The following RYR2 variants were observed in gnomAD, a reference collection of about 807,000 sequenced individuals.
The protein encoded by RYR2 is cardiac muscle ryanodine receptor-calcium release channel.
A neutral mutation model predicts 601.1 loss-of-function variants in RYR2; 227 were observed. That is an observed-to-expected ratio of 0.38 (90% CI 0.34 to 0.42). RYR2 has a LOEUF of 0.42. Ranked by LOEUF, RYR2 falls within the 10% of genes least tolerant of loss-of-function variation. The pLI is 1.00. For missense variants in RYR2, 4,646 were observed against 6,156.5 expected, an observed-to-expected ratio of 0.75 and a Z score of 8.21; for synonymous variants, 2,223 against 2,175.1, an observed-to-expected ratio of 1.02 and a Z score of -0.61.
intron 24 of RYR2, among the ~76,000 whole-genome samples, chr1:237,519,210 T>C (rs1339974540): frequency 1.3e-5 from 2 of 152,222 alleles, no homozygotes; most frequent in Non-Finnish European, 2.9e-5. Context: ...TTGCAAATAT[T>C]TTCTTGCATT....
At chr1:237,816,699 A>G (rs1393314780) in intron 100 of RYR2, among the ~76,000 whole-genome samples, 1 of 152,086 alleles carries the variant, frequency 6.6e-6, no homozygotes. Flanking sequence ...GAAAGAAAAA[A>G]AAAAAAAGGA....
At chr1:237,131,178 C>G (rs1672129579) in intron 1 of RYR2, among the ~76,000 whole-genome samples, 1 of 151,988 alleles carries the variant, frequency 6.6e-6, no homozygotes, top group Admixed American at 6.6e-5. Flanking sequence ...TGACAGTTCC[C>G]CCTGGGAGGA....
At chr1:237,323,093 C>G (rs1275823562) in intron 2 of RYR2, among the ~76,000 whole-genome samples, 1 of 152,098 alleles carries the variant, frequency 6.6e-6, no homozygotes, top group Non-Finnish European at 1.5e-5. Context: ...CTCCACTTTT[C>G]AAAACATAAT....
At chr1:237,235,382 T>A (rs1685455021) in intron 1 of RYR2, among the ~76,000 whole-genome samples, 1 of 152,112 alleles carries the variant, frequency 6.6e-6, no homozygotes, top group African/African-American at 2.4e-5. Context: ...GCTGATGGAG[T>A]CACATGGGGA....
intron 5 of RYR2, among the ~76,000 whole-genome samples, chr1:237,364,895 G>A (rs1313492160): frequency 6.6e-6 from 1 of 152,156 alleles, no homozygotes; most frequent in Non-Finnish European, 1.5e-5. Context: ...TACTCCAGGA[G>A]AAGTGAAAAT....
At chr1:237,714,776 G>C (rs981635623) in intron 71 of RYR2, among the ~76,000 whole-genome samples, 2 of 151,706 alleles carry the variant, frequency 1.3e-5, no homozygotes, top group Non-Finnish European at 2.9e-5. Context: ...GGATCACGAG[G>C]TCAGGAGTTC....
intron 27 of RYR2, among the ~76,000 whole-genome samples, chr1:237,558,331 G>T (rs943092417): frequency 6.6e-6 from 1 of 152,194 alleles, no homozygotes; most frequent in Non-Finnish European, 1.5e-5. Context: ...GTTAGGGCAG[G>T]CTGGACTGGA....
intron 1 of RYR2, among the ~76,000 whole-genome samples, chr1:237,175,427 T>G (rs1039537387): frequency 1.3e-5 from 2 of 152,190 alleles, no homozygotes; most frequent in African/African-American, 4.8e-5. Flanking sequence ...CTTTAGAACA[T>G]TAAGTATTCT....
intron 17 of RYR2, among the ~76,000 whole-genome samples, chr1:237,474,239 G>A (rs1265328611): frequency 7.3e-6 from 1 of 136,722 alleles, no homozygotes; most frequent in Admixed American, 7.2e-5. Flanking sequence ...ACATATATAT[G>A]TATAGATATA....
intron 1 of RYR2, among the ~76,000 whole-genome samples, chr1:237,237,356 T>C (rs1235481810): frequency 2.0e-5 from 3 of 152,188 alleles, no homozygotes; most frequent in African/African-American, 7.2e-5. Flanking sequence ...TGAATATAAA[T>C]GAATAATAAA....
At chr1:237,348,553 T>C (rs1251152658) in intron 3 of RYR2, among the ~76,000 whole-genome samples, 1 of 152,210 alleles carries the variant, frequency 6.6e-6, no homozygotes, top group Non-Finnish European at 1.5e-5. Context: ...TCTGAAAACC[T>C]GCCTTCAATC....
At chr1:237,523,325 A>T (rs780930405) in intron 24 of RYR2, among the ~76,000 whole-genome samples, 13 of 152,240 alleles carry the variant, frequency 8.5e-5, no homozygotes, top group Non-Finnish European at 1.5e-4. Context: ...AATCAAGCAC[A>T]ATTGTATTAA....
chr1:237,226,859 C>T (rs2149167775), intron 1 of RYR2, among the ~76,000 whole-genome samples: 1 of 152,226 alleles, frequency 6.6e-6, no homozygotes, highest in Admixed American at 6.5e-5. Flanking sequence ...ACCTCCGCCT[C>T]CCGGGTTCAA....
chr1:237,507,884 G>A (rs1053809603), intron 23 of RYR2, among the ~76,000 whole-genome samples: 1 of 152,204 alleles, frequency 6.6e-6, no homozygotes, highest in Non-Finnish European at 1.5e-5. Context: ...AAAATGGGAT[G>A]CTTTTATTAA....
intron 1 of RYR2, among the ~76,000 whole-genome samples, chr1:237,203,536 A>G (rs1005445892): frequency 6.6e-6 from 1 of 152,166 alleles, no homozygotes; most frequent in Non-Finnish European, 1.5e-5. Context: ...AATTTAACCA[A>G]TAATCTATAC....
chr1:237,458,076 T>G (rs1199803845), intron 16 of RYR2, among the ~76,000 whole-genome samples: 2 of 152,158 alleles, frequency 1.3e-5, no homozygotes, highest in Non-Finnish European at 2.9e-5. Context: ...TTGTCTCACC[T>G]TTTCCAGAAT....
intron 34 of RYR2, among the ~76,000 whole-genome samples, chr1:237,598,856 G>C (rs1341228891): frequency 3.3e-5 from 5 of 152,104 alleles, no homozygotes; most frequent in Non-Finnish European, 5.9e-5. Context: ...ATGATACGAA[G>C]AGTTGGTTTT....
At chr1:237,599,938 A>G (rs1287989044) in intron 34 of RYR2, among the ~76,000 whole-genome samples, 2 of 152,166 alleles carry the variant, frequency 1.3e-5, no homozygotes, top group South Asian at 2.1e-4. Flanking sequence ...ATGGAAAGAT[A>G]TCTCATGCTG....
chr1:237,284,319 GC>G, intron 2 of RYR2, among the ~76,000 whole-genome samples: 1 of 150,322 alleles, frequency 6.7e-6, no homozygotes, highest in African/African-American at 2.4e-5. Flanking sequence ...GGCGGACGTT[GC>G]AGTGAGTCGA....
Sources: gnomAD v4.1 joint callset for allele counts (sites outside exome capture counted in the v4.1 genomes callset) on GRCh38, gnomAD v4.1.1 for gene constraint, MANE v1.5 for transcripts, NCBI Gene and HGNC (gene_info 2026-07-23, HGNC 2026-07-21) for gene names.